Variants in PSG11 observed in about 807,000 individuals in gnomAD.
The protein encoded by PSG11 is pregnancy specific beta-1-glycoprotein 11.
Under a neutral mutation model 36.0 loss-of-function variants are expected in PSG11, and 42 were observed. The observed-to-expected ratio is 1.17, with a 90% confidence interval of 0.91 to 1.51. The LOEUF is 1.51. Ranked by LOEUF, PSG11 falls within the 40% of genes most tolerant of loss-of-function variation. PSG11 has a pLI of 0.00. For synonymous variants in PSG11, 206 were observed against 153.5 expected (o/e 1.34, Z -2.53); for missense variants, 558 against 403.5 (o/e 1.38, Z -3.28).
At position 43,014,534 on chromosome 19, in the gene PSG11, T is replaced by C. The variant is rs553562617; in HGVS notation, c.964+582A>G. ...GGCTTGGCTTGAACTGGCAGCTCAATTTAGCCAAATTCAGGACAGGCCACC... is the reference window on the plus strand; with the variant it reads ...GGCTTGGCTTGAACTGGCAGCTCAACTTAGCCAAATTCAGGACAGGCCACC... On this transcript the variant is annotated intron_variant, in intron 4 of 5. Coordinates refer to ENST00000320078, the MANE Select transcript of PSG11 (RefSeq NM_002785.3). 165 of 982,832 alleles carry C rather than the reference T, an allele frequency of 1.7e-4. 13 individuals are homozygous for C. In the African/African-American group the frequency reaches 2.8e-3, roughly 17 times the overall value. The allele number at this position is 982,832 out of a possible 1,614,324, so 60.9% of individuals were successfully genotyped here.
intron 3 of PSG11, chr19:43,015,668 A>C: frequency 6.5e-7 from 1 of 1,549,352 alleles, no homozygotes; most frequent in South Asian, 1.3e-5. Context: ...GTCCAAAAGT[A>C]AAGGTGTCTG....
At chr19:43,024,650 C>G (rs756353309) in intron 2 of PSG11, 41 bp downstream of exon 2, 1 of 1,609,132 alleles carries the variant, frequency 6.2e-7, no homozygotes, top group Non-Finnish European at 8.5e-7. Flanking sequence ...TAGAAGTGAC[C>G]CCTGTCCCCC....
rs1341871273 is a variant in PSG11, at chr19:43,024,794, G to A, written c.327C>T (p.Ile109=). Residue 109 remains isoleucine, a synonymous_variant, in exon 2 of 6, where the codon ATC becomes ATT. Coordinates refer to ENST00000320078, the MANE Select transcript of PSG11 (RefSeq NM_002785.3). Reference sequence around the variant, plus strand: ...CTGCGTCCTCCCGGGTGACATTCTGGATCAGCAGGGATGCATTGGAATATA... The same window carrying A: ...CTGCGTCCTCCCGGGTGACATTCTGAATCAGCAGGGATGCATTGGAATATA... ...ETVYSNASLL[I]QNVTREDAGS... The A allele has an allele frequency of 1.7e-5, 28 of 1,611,904 alleles. 1 individual carries two copies. The highest frequency in any genetic ancestry group is 2.3e-5 in the Non-Finnish European group (27 of 1,179,118).
chr19:43,025,305 C>T (rs936643498), intron 1 of PSG11: 3 of 682,670 alleles, frequency 4.4e-6, no homozygotes, highest in African/African-American at 1.8e-5. Context: ...ACACTTCTGA[C>T]CTTGGCATTT....
chr19:43,014,731 A>T lies in PSG11; in HGVS notation c.964+385T>A, dbSNP rs775920633. The stretch of plus-strand genomic sequence containing the variant: ...GTGTGAGCTTGTTTCAAAGCCTCAG[A>T]TGTTCCTTGTAGTTCATGGAAGAGG... On this transcript the variant is annotated intron_variant, in intron 4 of 5. Coordinates refer to ENST00000320078, the MANE Select transcript of PSG11 (RefSeq NM_002785.3). The T allele has an allele frequency of 6.3e-4, 760 of 1,214,270 alleles. 12 individuals are homozygous for T. Among genetic ancestry groups the T allele is most frequent in the Non-Finnish European group, 7.8e-4 (736 of 947,942 alleles). 75.2% of individuals were successfully genotyped at this position (1,214,270 alleles called of 1,614,324 possible). A position where few individuals can be genotyped will look rare whatever the true frequency, so the allele number is the denominator to read the frequency against.
chr19:43,016,283 T>A (rs1966964270), intron 3 of PSG11, among the ~76,000 whole-genome samples: 1 of 151,344 alleles, frequency 6.6e-6, no homozygotes, highest in Non-Finnish European at 1.5e-5. Context: ...AGCAGCAGTG[T>A]TGGGTCATGG....
In PSG11 at chr19:43,010,383, G is replaced by C. The variant is rs374957675; in HGVS notation, c.965-342C>G. 130 of 1,556,842 alleles carry C rather than the reference G, an allele frequency of 8.4e-5. 8 individuals are homozygous for C. The East Asian group carries it at 1.8e-3, about 21-fold the overall frequency. On this transcript the variant is annotated intron_variant, in intron 4 of 5. Coordinates refer to ENST00000320078, the MANE Select transcript of PSG11 (RefSeq NM_002785.3). ...GCATCTTTTTCTCAGTGTCTCTGTT[G>C]TGGCAGTCATGAATGAGACTCTGTC...
Position 43,024,828 on chromosome 19 carries a change from C to G in PSG11, c.293G>C (p.Arg98Pro). The G allele has an allele frequency of 1.2e-6, 2 of 1,611,954 alleles. 1 individual carries two copies. The highest frequency in any genetic ancestry group is 1.7e-6 in the Non-Finnish European group (2 of 1,179,102). ...GGATGCATTGGAATATACTGTTTCT[C>G]GTCCACTGTATGCCGGTCCATATAT... ...IIIYGPAYSGRETVYSNASLL... is the reference protein window; with the variant it reads ...IIIYGPAYSGPETVYSNASLL... The change falls in exon 2 of 6, where the codon CGA becomes CCA. Residue 98 changes from arginine (R) to proline (P), a missense_variant. Physicochemically the swap from Arg to Pro is moderately radical, Grantham distance 103. Transcript: ENST00000320078.
rs925040845 is a variant in PSG11 at position 43,019,046 on chromosome 19, C to G, written c.433G>C (p.Glu145Gln). Residue 145 changes from glutamate (E) to glutamine (Q), a missense_variant and splice_region_variant, in exon 3 of 6, where the codon GAG (glutamate) becomes CAG (glutamine). Coordinates refer to ENST00000320078, the MANE Select transcript of PSG11 (RefSeq NM_002785.3). ...TGYFTFTLYL[E>Q]TPKPSISSSN... ...CTGGAGATGGAGGGCTTGGGAGTCTCCACTGTGCAGAAAACAGAGAGAAGA... is the reference window on the plus strand; with the variant it reads ...CTGGAGATGGAGGGCTTGGGAGTCTGCACTGTGCAGAAAACAGAGAGAAGA... 4.3e-6 allele frequency: 7 copies of G among 1,610,928 alleles called. 1 individual carries two copies. In the African/African-American group the frequency reaches 9.4e-5, roughly 22 times the overall value.
At chr19:43,014,843 C>T in intron 4 of PSG11, 1 of 1,328,946 alleles carries the variant, frequency 7.5e-7, no homozygotes, top group South Asian at 1.8e-5. Context: ...TCTTGTCCCT[C>T]TGTGAAGCCT....
Position 43,015,455 on chromosome 19 carries a change from C to G in PSG11, c.710-85G>C, listed in dbSNP as rs569711488. ...TCTCTTAAAGGGACACAGTGACCCT[C>G]TGAGCCAAGACACACCCTCAAGTCC... On this transcript the variant is annotated intron_variant, in intron 3 of 5. Transcript: ENST00000320078. 116 of 1,481,194 alleles carry G rather than the reference C, an allele frequency of 7.8e-5. 3 individuals are homozygous for G. The highest frequency in any genetic ancestry group is 9.6e-5 in the Non-Finnish European group (105 of 1,092,766). The allele number at this position is 1,481,194 out of a possible 1,614,324, so 91.8% of individuals were successfully genotyped here. A position where few individuals can be genotyped will look rare whatever the true frequency, so the allele number is the denominator to read the frequency against.
chr19:43,024,248 T>C (rs969019722), intron 2 of PSG11, among the ~76,000 whole-genome samples: 6 of 151,380 alleles, frequency 4.0e-5, no homozygotes, highest in African/African-American at 1.2e-4. Flanking sequence ...AACCCAGCCC[T>C]GGAACAGGCT....
chr19:43,018,764 A>C lies in PSG11; in HGVS notation c.709+6T>G, dbSNP rs747379659. ...CCTGGCTCACAGAGGAACAGAAGAT[A>C]CTCACGGAGGAGATTCAGGGTGACT... On this transcript the variant is annotated splice_donor_region_variant and intron_variant, in intron 3 of 5. Transcript: ENST00000320078. The C allele has an allele frequency of 3.1e-5, 50 of 1,611,896 alleles. 4 individuals are homozygous for C. The South Asian group carries it at 5.0e-4, about 16-fold the overall frequency.
At chr19:43,011,722 C>CA (rs1399659165) in intron 4 of PSG11, among the ~76,000 whole-genome samples, 2 of 150,554 alleles carry the variant, frequency 1.3e-5, no homozygotes, top group African/African-American at 4.9e-5. Flanking sequence ...ACTGTCTCTA[C>CA]AAAAAAATTA....
intron 2 of PSG11, chr19:43,019,763 C>G (rs372415803): frequency 6.6e-6 from 1 of 151,954 alleles, no homozygotes; most frequent in Non-Finnish European, 1.5e-5. Context: ...GAACCAAGAC[C>G]ATGTTCCCTG....
chr19:43,023,461 A>T (rs1967153876), intron 2 of PSG11, among the ~76,000 whole-genome samples: 1 of 150,924 alleles, frequency 6.6e-6, no homozygotes, highest in Non-Finnish European at 1.5e-5. Context: ...TTTCAGGTTC[A>T]GTGATGGGGG....
intron 3 of PSG11, among the ~76,000 whole-genome samples, chr19:43,016,508 G>A (rs1311688801): frequency 1.3e-5 from 2 of 151,260 alleles, no homozygotes; most frequent in Non-Finnish European, 2.9e-5. Flanking sequence ...ACTTCCCATT[G>A]TCCTGAAACC....
chr19:43,011,525 CA>C (rs1431608229), intron 4 of PSG11, among the ~76,000 whole-genome samples: 1 of 150,946 alleles, frequency 6.6e-6, no homozygotes, highest in Non-Finnish European at 1.5e-5. Context: ...ATAAAATCAA[CA>C]AAATTGACAA....
At chr19:43,025,936 C>CTTTT (rs1195259262) in intron 1 of PSG11, among the ~76,000 whole-genome samples, 50 of 68,150 alleles carry the variant, frequency 7.3e-4, no homozygotes, top group Non-Finnish European at 9.2e-4. Context: ...TTTTTTTTCT[C>CTTTT]TTTTTTTTTT....
Sources: gnomAD v4.1 joint callset for allele counts (sites outside exome capture counted in the v4.1 genomes callset) on GRCh38, gnomAD v4.1.1 for gene constraint, MANE v1.5 for transcripts, NCBI Gene and HGNC (gene_info 2026-07-23, HGNC 2026-07-21) for gene names.